Variants in FREM2 observed in about 807,000 individuals in gnomAD.
FREM2 encodes the protein FRAS1 related extracellular matrix 2.
FREM2 carries 119 observed loss-of-function variants against 219.9 expected under a neutral mutation model. The observed-to-expected ratio is 0.54, with a 90% CI of 0.47 to 0.63. FREM2 has a LOEUF of 0.63. Among genes scored for constraint, FREM2 ranks in the 30% least tolerant of loss-of-function variants. The pLI is 0.00. For missense variants in FREM2, 4,030 were observed against 3,993.6 expected (o/e 1.01, Z -0.25); for synonymous variants, 1,562 against 1,522.8 (o/e 1.03, Z -0.60).
chr13:38,703,757 T>G (rs1870431873), intron 2 of FREM2, among the ~76,000 whole-genome samples: 1 of 152,212 alleles, frequency 6.6e-6, no homozygotes, highest in African/African-American at 2.4e-5. Context: ...ATGAATATAC[T>G]GTTTTCATTG....
In FREM2 at chr13:38,764,536, G is replaced by A. The variant is rs577259107; in HGVS notation, c.5410+86G>A. The stretch of plus-strand genomic sequence containing the variant: ...CTACAGTGATTAAAGTATCAGTTTA[G>A]TTCACTTAGAGCTTAAAGTTAAAAT... On this transcript the variant is annotated intron_variant, in intron 3 of 23. Coordinates refer to ENST00000280481, the MANE Select transcript of FREM2 (RefSeq NM_207361.6). The A allele has an allele frequency of 8.7e-5, 71 of 816,226 alleles. No homozygotes were observed. In the African/African-American group the frequency reaches 1.2e-3, roughly 14 times the overall value. 50.6% of individuals were successfully genotyped at this position (816,226 alleles called of 1,614,324 possible).
intron 2 of FREM2, among the ~76,000 whole-genome samples, chr13:38,763,441 T>C (rs1166330094): frequency 6.6e-6 from 1 of 151,388 alleles, no homozygotes; most frequent in Non-Finnish European, 1.5e-5. Flanking sequence ...AAACTGTGCC[T>C]CTAGCTGTGT....
At chr13:38,833,564 C>G (rs987347464) in intron 6 of FREM2, among the ~76,000 whole-genome samples, 5 of 152,108 alleles carry the variant, frequency 3.3e-5, no homozygotes, top group African/African-American at 1.2e-4. Flanking sequence ...CATTTATAAC[C>G]TCCTTACTGT....
intron 12 of FREM2, 133 bp from the exon 13 acceptor site, chr13:38,857,742 G>A (rs921208987): frequency 1.9e-5 from 14 of 756,450 alleles, no homozygotes; most frequent in East Asian, 1.1e-4. Context: ...TGCTCTCCAG[G>A]GGCTCTGAGT....
intron 6 of FREM2, among the ~76,000 whole-genome samples, chr13:38,832,349 G>A (rs1466181027): frequency 6.6e-6 from 1 of 152,102 alleles, no homozygotes; most frequent in African/African-American, 2.4e-5. Flanking sequence ...ATTACAGGGA[G>A]AAGTTCATCA....
rs1177378226 is a variant in FREM2, at chr13:38,689,325, C to T, written c.1981C>T (p.His661Tyr). The T allele has an allele frequency of 6.2e-7, 1 of 1,614,028 alleles. No homozygotes were observed. The highest frequency in any genetic ancestry group is 1.7e-5 in the Admixed American group (1 of 60,014). Reference sequence around the variant, plus strand: ...GCTGTTCTATAGACACTCTGGGCCCCATAGTCCTGGGCCAGTCACAGACCA... The same window carrying T: ...GCTGTTCTATAGACACTCTGGGCCCTATAGTCCTGGGCCAGTCACAGACCA... ...GRLFYRHSGP[H>Y]SPGPVTDQFT... The change falls in exon 1 of 24, where the codon CAT becomes TAT. Residue 661 changes from histidine to tyrosine, a missense_variant. By Grantham distance (83) the His-to-Tyr change is moderately conservative. This residue lies in a region of FREM2 where 3,102 missense variants were observed against 2,950.7 expected (regional missense o/e 1.05). Coordinates refer to ENST00000280481, the MANE Select transcript of FREM2 (RefSeq NM_207361.6).
intron 2 of FREM2, among the ~76,000 whole-genome samples, chr13:38,734,792 G>A (rs1593373744): frequency 7.0e-6 from 1 of 143,242 alleles, no homozygotes; most frequent in Non-Finnish European, 1.5e-5. Flanking sequence ...TGTTGCACAG[G>A]CTGGAGTGCA....
At position 38,872,916 on chromosome 13, in the gene FREM2, C is replaced by T. The variant is rs1878212827; in HGVS notation, c.8158C>T (p.Pro2720Ser). The T allele has an allele frequency of 6.2e-7, 1 of 1,613,716 alleles. No individual in the cohort carries two copies. The highest frequency in any genetic ancestry group is 1.3e-5 in the African/African-American group (1 of 74,968). ...GTGGAATGATGGAATTGGCAGCCCCCCAGAGGCTGAACTTCAAGGTGAGTT... is the reference window on the plus strand; with the variant it reads ...GTGGAATGATGGAATTGGCAGCCCCTCAGAGGCTGAACTTCAAGGTGAGTT... ...ILWNDGIGSP[P>S]EAELQGSLYP... is the part of the protein sequence containing the mutation. The change falls in exon 17 of 24, where the codon CCA (proline) becomes TCA (serine). Residue 2720 changes from proline (P) to serine (S), a missense_variant. Pro to Ser is a moderately conservative substitution (Grantham distance 74). This residue lies in a region of FREM2 where 928 missense variants were observed against 1,042.9 expected (regional missense o/e 0.89). Transcript: ENST00000280481.
intron 15 of FREM2, among the ~76,000 whole-genome samples, chr13:38,862,172 A>G (rs958170294): frequency 5.3e-5 from 8 of 152,240 alleles, no homozygotes; most frequent in Admixed American, 4.6e-4. Flanking sequence ...GCAAATTGTT[A>G]ATAAAATTAC....
intron 2 of FREM2, among the ~76,000 whole-genome samples, chr13:38,753,936 G>C (rs577287262): frequency 9.4e-5 from 14 of 148,326 alleles, no homozygotes; most frequent in Non-Finnish European, 1.6e-4. Context: ...TTGTTGCAGG[G>C]GATCAAAATT....
chr13:38,785,439 A>G (rs1279618559), intron 6 of FREM2, among the ~76,000 whole-genome samples: 1 of 152,240 alleles, frequency 6.6e-6, no homozygotes, highest in East Asian at 1.9e-4. Context: ...AAACGGAAAT[A>G]TTGTGAATAC....
Position 38,688,770 on chromosome 13 carries a change from C to G in FREM2, c.1426C>G (p.Leu476Val), listed in dbSNP as rs761910816. ...QNLVISDEDDLEAVRLEVVAG... is the reference protein window; with the variant it reads ...QNLVISDEDDVEAVRLEVVAG... ...CTTGGTCATCAGCGATGAGGATGAC[C>G]TAGAAGCAGTGCGGCTAGAGGTGGT... The change falls in exon 1 of 24, where the codon CTA becomes GTA. Residue 476 changes from leucine (L) to valine (V), a missense_variant. Physicochemically the swap from Leu to Val is conservative, Grantham distance 32 (BLOSUM62 1). This residue lies in a region of FREM2 where 3,102 missense variants were observed against 2,950.7 expected (regional missense o/e 1.05). Coordinates refer to ENST00000280481, the MANE Select transcript of FREM2 (RefSeq NM_207361.6). The G allele has an allele frequency of 6.2e-7, 1 of 1,614,066 alleles. No individual in the cohort carries two copies. Among genetic ancestry groups the G allele is most frequent in the East Asian group, 2.2e-5 (1 of 44,872 alleles).
chr13:38,709,352 A>G (rs1029859200), intron 2 of FREM2, among the ~76,000 whole-genome samples: 1 of 152,188 alleles, frequency 6.6e-6, no homozygotes, highest in African/African-American at 2.4e-5. Context: ...GATTCAAAAC[A>G]TGGATGTATA....
chr13:38,766,307 C>T (rs1339368580), intron 3 of FREM2, among the ~76,000 whole-genome samples: 1 of 152,000 alleles, frequency 6.6e-6, no homozygotes, highest in South Asian at 2.1e-4. Context: ...TTATTTTCTA[C>T]GAATGTGGGG....
intron 6 of FREM2, among the ~76,000 whole-genome samples, chr13:38,809,307 T>A (rs1045401314): frequency 6.6e-6 from 1 of 150,672 alleles, no homozygotes; most frequent in Non-Finnish European, 1.5e-5. Flanking sequence ...TAAATTTTCT[T>A]TTTTTTTTAA....
At chr13:38,762,167 C>T (rs190128453) in intron 2 of FREM2, among the ~76,000 whole-genome samples, 91 of 152,126 alleles carry the variant, frequency 6.0e-4, no homozygotes, top group Admixed American at 2.5e-3. Flanking sequence ...AAATCACAGG[C>T]GCTAATTAGC....
chr13:38,694,571 T>C (rs1271058522), intron 1 of FREM2, among the ~76,000 whole-genome samples: 4 of 152,212 alleles, frequency 2.6e-5, no homozygotes, highest in Non-Finnish European at 4.4e-5. Context: ...TTTTGCTTTA[T>C]CATGAAGGGA....
chr13:38,842,676 C>T (rs1164408734), intron 6 of FREM2, among the ~76,000 whole-genome samples: 1 of 152,188 alleles, frequency 6.6e-6, no homozygotes, highest in Non-Finnish European at 1.5e-5. Context: ...TAAGATTTGG[C>T]TCCAGATAGC....
intron 6 of FREM2, among the ~76,000 whole-genome samples, chr13:38,818,597 C>T (rs995828829): frequency 2.6e-5 from 4 of 152,062 alleles, no homozygotes; most frequent in Non-Finnish European, 5.9e-5. Context: ...GTTACAATTA[C>T]ATAGAAGGAA....
Sources: gnomAD v4.1 joint callset for allele counts (sites outside exome capture counted in the v4.1 genomes callset) on GRCh38, gnomAD v4.1.1 for gene constraint, gnomAD v4.1.1 regional missense constraint, MANE v1.5 for transcripts, NCBI Gene and HGNC (gene_info 2026-07-23, HGNC 2026-07-21) for gene names.